WDPCP: variants seen among roughly 807,000 people sequenced by gnomAD.
WDPCP encodes the protein WD repeat-containing and planar cell polarity effector protein fritz homolog.
A neutral mutation model predicts 93.1 loss-of-function variants in WDPCP; 71 were observed. The observed-to-expected ratio is 0.76, with a 90% CI of 0.63 to 0.93. The LOEUF (loss-of-function observed/expected upper bound fraction) is 0.93, where lower values mean the gene tolerates loss of function less well. Among genes scored for constraint, WDPCP ranks in the 40% least tolerant of loss-of-function variants. WDPCP has a pLI of 0.00. For synonymous variants in WDPCP, 315 were observed against 315.0 expected (o/e 1.00, Z 0.00); for missense variants, 844 against 887.4 (o/e 0.95, Z 0.62).
At chr2:63,133,270 C>T (rs954029986) in intron 17 of WDPCP, among the ~76,000 whole-genome samples, 1 of 152,220 alleles carries the variant, frequency 6.6e-6, no homozygotes, top group East Asian at 1.9e-4. Flanking sequence ...TAGGGTCTCT[C>T]TGCAGCTTTC....
intron 17 of WDPCP, among the ~76,000 whole-genome samples, chr2:63,123,252 G>A (rs944049301): frequency 6.6e-5 from 10 of 152,072 alleles, no homozygotes; most frequent in African/African-American, 2.2e-4. Flanking sequence ...TCTATACCAC[G>A]AGAATGGTCA....
intron 2 of WDPCP, among the ~76,000 whole-genome samples, chr2:63,788,514 G>C (rs902586167): frequency 1.3e-5 from 2 of 152,164 alleles, no homozygotes; most frequent in Admixed American, 1.3e-4. Flanking sequence ...ACTTCTCTCA[G>C]AACTCTTTTA....
intron 17 of WDPCP, among the ~76,000 whole-genome samples, chr2:63,122,861 A>C (rs1669640764): frequency 6.6e-6 from 1 of 152,194 alleles, no homozygotes; most frequent in South Asian, 2.1e-4. Context: ...ATTTTAAAAA[A>C]TAAATTTAAA....
At chr2:63,820,980 T>G (rs1671009388) in intron 1 of WDPCP, among the ~76,000 whole-genome samples, 1 of 152,194 alleles carries the variant, frequency 6.6e-6, no homozygotes, top group Non-Finnish European at 1.5e-5. Flanking sequence ...AGACTATAGC[T>G]TTTGAAAATC....
At chr2:63,752,672 G>A (rs983326629) in intron 2 of WDPCP, 10 of 420,454 alleles carry the variant, frequency 2.4e-5, no homozygotes, top group Non-Finnish European at 4.3e-5. Context: ...CCTTGGTAGC[G>A]ACCACAGGCA....
chr2:63,752,411 G>A (rs1423778755), intron 2 of WDPCP: 1 of 762,438 alleles, frequency 1.3e-6, no homozygotes, highest in African/African-American at 1.7e-5. Flanking sequence ...CACCTTGTGT[G>A]GCCTTGCATT....
chr2:63,629,328 G>A (rs918917518), intron 3 of WDPCP, among the ~76,000 whole-genome samples: 5 of 152,178 alleles, frequency 3.3e-5, no homozygotes, highest in Non-Finnish European at 5.9e-5. Flanking sequence ...CCCTCAGGCC[G>A]TGCTGTAAAA....
intron 2 of WDPCP, among the ~76,000 whole-genome samples, chr2:63,658,146 G>C (rs262508): frequency 0.8 from 122,046 of 152,140 alleles, 49,373 homozygotes; most frequent in East Asian, 0.98. Flanking sequence ...CTCCATTGCC[G>C]TAATCTTGCT....
At chr2:63,554,698 A>T (rs1471234752) in intron 1 of WDPCP, among the ~76,000 whole-genome samples, 1 of 152,208 alleles carries the variant, frequency 6.6e-6, no homozygotes, top group Non-Finnish European at 1.5e-5. Flanking sequence ...GATATTATGA[A>T]ATTATGCAAG....
intron 2 of WDPCP, among the ~76,000 whole-genome samples, chr2:63,767,492 C>A (rs1217730887): frequency 6.6e-6 from 1 of 152,096 alleles, no homozygotes; most frequent in Non-Finnish European, 1.5e-5. Flanking sequence ...TGTTCCATAA[C>A]CTCTCCAAAA....
At chr2:63,763,502 A>C (rs935349851) in intron 2 of WDPCP, among the ~76,000 whole-genome samples, 1 of 128,064 alleles carries the variant, frequency 7.8e-6, no homozygotes, top group Admixed American at 7.8e-5. Flanking sequence ...ACTTTGTCTC[A>C]AAAAAAAAAA....
chr2:63,765,983 A>G (rs957440573), intron 2 of WDPCP, among the ~76,000 whole-genome samples: 19 of 152,364 alleles, frequency 1.2e-4, no homozygotes, highest in African/African-American at 4.6e-4. Flanking sequence ...GAGTAGGGAT[A>G]GCACCTCCAA....
At chr2:63,691,712 CTG>C (rs1191213516) in intron 2 of WDPCP, among the ~76,000 whole-genome samples, 1 of 152,020 alleles carries the variant, frequency 6.6e-6, no homozygotes, top group East Asian at 1.9e-4. Flanking sequence ...CTGTAAAAGG[CTG>C]TGAGTTCATA....
At chr2:63,565,713 A>G (rs1185579373) in intron 1 of WDPCP, among the ~76,000 whole-genome samples, 5 of 152,232 alleles carry the variant, frequency 3.3e-5, no homozygotes, top group Non-Finnish European at 7.3e-5. Flanking sequence ...TTTTGAAAAA[A>G]TACTGAATTA....
Position 63,381,906 on chromosome 2 carries a change from C to A in WDPCP, c.1624G>T (p.Ala542Ser), listed in dbSNP as rs769732237. 2 of 1,613,086 alleles carry A rather than the reference C, an allele frequency of 1.2e-6. No homozygotes were observed. The highest frequency in any genetic ancestry group is 1.7e-6 in the Non-Finnish European group (2 of 1,179,462). Reference protein sequence around the residue: ...LRQKLTPEREAQLETSLGTFY... With the variant: ...LRQKLTPERESQLETSLGTFY... ...CAATGAAAAATATTTCAAGTCTGAC[C>A]TTCTCTCTCTGGAGTGAGCTTCTGT... is the stretch of plus-strand genomic sequence containing the variant. Residue 542 changes from alanine (A) to serine (S), a missense_variant and splice_region_variant, in exon 11 of 18, where the codon GCA becomes TCA. Physicochemically the swap from Ala to Ser is moderately conservative, Grantham distance 99 (BLOSUM62 1). Coordinates refer to ENST00000272321, the MANE Select transcript of WDPCP (RefSeq NM_015910.7).
intron 12 of WDPCP, among the ~76,000 whole-genome samples, chr2:63,322,101 G>T (rs1358584970): frequency 6.6e-6 from 1 of 152,166 alleles, no homozygotes; most frequent in African/African-American, 2.4e-5. Context: ...TCAGCACTCT[G>T]TGTCTAGCTA....
At chr2:63,512,275 G>A (rs897105956) in intron 1 of WDPCP, among the ~76,000 whole-genome samples, 2 of 152,110 alleles carry the variant, frequency 1.3e-5, no homozygotes, top group African/African-American at 4.8e-5. Flanking sequence ...AAACAGGAAC[G>A]CTTTTACACT....
intron 3 of WDPCP, among the ~76,000 whole-genome samples, chr2:63,613,714 G>T (rs936584303): frequency 6.6e-6 from 1 of 152,184 alleles, no homozygotes; most frequent in Non-Finnish European, 1.5e-5. Flanking sequence ...ATGATGCTTT[G>T]TCATGCCGAA....
chr2:63,259,376 A>C lies in WDPCP; in HGVS notation c.1846T>G (p.Leu616Val), dbSNP rs779790542. The change falls in exon 14 of 18, where the codon TTG (leucine) becomes GTG (valine). Residue 616 changes from leucine (L) to valine (V), a missense_variant. Leu to Val is a conservative substitution (Grantham distance 32). Transcript: ENST00000272321. The stretch of plus-strand genomic sequence containing the variant: ...TTTCTTGCCACTTCAGCTAGTGCCA[A>C]TTCACCTTTATCTAGTGCAAGGTAA... ...IHYLALDKGELALAEVARKRA... is the reference protein window; with the variant it reads ...IHYLALDKGEVALAEVARKRA... 1 of 1,612,408 alleles carries C rather than the reference A, an allele frequency of 6.2e-7. No homozygotes were observed. Among genetic ancestry groups the C allele is most frequent in the African/African-American group, 1.3e-5 (1 of 75,014 alleles).
Sources: allele counts gnomAD v4.1 joint callset (sites outside exome capture counted in the v4.1 genomes callset), GRCh38; gene constraint gnomAD v4.1.1; transcripts MANE v1.5; gene names NCBI Gene and HGNC (gene_info 2026-07-23, HGNC 2026-07-21).